The following MYH16 variants were observed in gnomAD, a reference collection of about 807,000 sequenced individuals.
MYH16 encodes putative uncharacterized protein MYH16.
intron 20 of MYH16, 52 bp from the exon 3 acceptor site, chr7:99,277,478 TCCGTCTACC>T: frequency 2.4e-6 from 1 of 418,858 alleles, no homozygotes; most frequent in Non-Finnish European, 4.8e-6. Context: ...TCCACAGCCC[TCCGTCTACC>T]CCCCAGCAAA....
intron 2 of MYH16, among the ~76,000 whole-genome samples, chr7:99,245,662 G>A (rs1408883451): frequency 3.3e-5 from 5 of 152,040 alleles, no homozygotes; most frequent in Non-Finnish European, 7.4e-5. Context: ...TCAGAAGCTG[G>A]GATTACAAAC....
intron 17 of MYH16, among the ~76,000 whole-genome samples, chr7:99,265,957 C>T (rs971235255): frequency 4.6e-5 from 7 of 152,200 alleles, no homozygotes; most frequent in African/African-American, 1.7e-4. Flanking sequence ...GCTGAAAGTC[C>T]TGGGAATTAA....
chr7:99,287,747 C>G (rs115649782), intron 28 of MYH16, 145 bp from the exon 10 acceptor site: 5 of 361,112 alleles, frequency 1.4e-5, no homozygotes, highest in South Asian at 4.1e-5. Context: ...CCCCCACCCC[C>G]CAAAGGCTAA....
chr7:99,255,846 T>C (rs1360957630), intron 9 of MYH16, among the ~76,000 whole-genome samples: 2 of 152,190 alleles, frequency 1.3e-5, no homozygotes, highest in Non-Finnish European at 2.9e-5. Flanking sequence ...CGATCAGCAT[T>C]TTATTCCAAG....
At chr7:99,294,500 CAAAAAAAAAA>C (rs1159682450) in intron 33 of MYH16, among the ~76,000 whole-genome samples, 6 of 25,570 alleles carry the variant, frequency 2.3e-4, no homozygotes, top group East Asian at 3.3e-3. Flanking sequence ...GACCCTGTCT[CAAAAAAAAAA>C]AAAAAAAAAA....
At chr7:99,271,224 G>C (rs532234483) in intron 19 of MYH16, 1 of 152,354 alleles carries the variant, frequency 6.6e-6, no homozygotes, top group African/African-American at 2.4e-5. Flanking sequence ...ACCCTGTGTG[G>C]CTGGCCAGGT....
chr7:99,246,529 C>T (rs941975658), intron 2 of MYH16, among the ~76,000 whole-genome samples: 9 of 152,104 alleles, frequency 5.9e-5, no homozygotes, highest in African/African-American at 9.7e-5. Flanking sequence ...TGGCGAAACC[C>T]CATCTCTACT....
exon 18 of MYH16, chr7:99,266,874 A>T (rs1003177619): frequency 6.6e-6 from 1 of 152,632 alleles, no homozygotes; most frequent in African/African-American, 2.4e-5. Context: ...CTGAACCCCA[A>T]CGTGATTCCC....
At chr7:99,294,944 G>A (rs1255592845) in intron 33 of MYH16, among the ~76,000 whole-genome samples, 4 of 152,168 alleles carry the variant, frequency 2.6e-5, no homozygotes, top group Non-Finnish European at 5.9e-5. Context: ...GGAAGCTAAG[G>A]CATGAGGATC....
At chr7:99,300,036 T>C (rs1230360907) in intron 37 of MYH16, among the ~76,000 whole-genome samples, 1 of 151,906 alleles carries the variant, frequency 6.6e-6, no homozygotes, top group Non-Finnish European at 1.5e-5. Flanking sequence ...CTCGGCTCAC[T>C]GTAACCTCTG....
At chr7:99,260,296 G>A in exon 12 of MYH16, 1 of 1,530,852 alleles carries the variant, frequency 6.5e-7, no homozygotes, top group Admixed American at 1.7e-5. Flanking sequence ...CATCGACTTT[G>A]GCCTCGACCT....
chr7:99,310,529 T>C (rs1322719391), downstream of MYH16, among the ~76,000 whole-genome samples: 1 of 152,090 alleles, frequency 6.6e-6, no homozygotes, highest in Non-Finnish European at 1.5e-5. Context: ...TGCCCAAAGG[T>C]GTCTCTAAAC....
chr7:99,291,617 A>ACCCCCCCCCCCCC (rs34446113), intron 31 of MYH16, among the ~76,000 whole-genome samples, 167 bp downstream of exon 12: 1,148 of 105,838 alleles, frequency 0.011, no homozygotes, highest in Non-Finnish European at 0.013. Flanking sequence ...ACACAGCAAG[A>ACCCCCCCCCCCCC]CCCCCCCCCA....
At chr7:99,240,522 C>A (rs977798779) in intron 1 of MYH16, among the ~76,000 whole-genome samples, 1 of 152,148 alleles carries the variant, frequency 6.6e-6, no homozygotes, top group African/African-American at 2.4e-5. Context: ...TATATTAGCA[C>A]CTGCGAGGTC....
chr7:99,256,418 A>G (rs932655463), intron 9 of MYH16, among the ~76,000 whole-genome samples: 9 of 152,020 alleles, frequency 5.9e-5, no homozygotes, highest in Admixed American at 2.6e-4. Context: ...ACAATCAGCC[A>G]TGATCATGCC....
At chr7:99,282,169 C>G (rs944952342) in intron 23 of MYH16, among the ~76,000 whole-genome samples, 5 of 147,620 alleles carry the variant, frequency 3.4e-5, no homozygotes, top group African/African-American at 1.3e-4. Flanking sequence ...ATTACAGGTG[C>G]CTGCCACCAC....
chr7:99,277,799 A>C (rs1479018910), intron 21 of MYH16, 87 bp downstream of exon 3: 3 of 371,324 alleles, frequency 8.1e-6, no homozygotes, highest in Non-Finnish European at 1.6e-5. Context: ...CCAAAAACCC[A>C]TGTCCCTCCA....
rs113114785 is a variant in MYH16 at position 99,299,926 on chromosome 7, AT to A, written n.4933+272del. Reference sequence around the variant, plus strand: ...TTGGGCCCGTCTAGATTTTTATTTTATTTTATTTATTTATTTATTTATTTAT... The same window carrying A: ...TTGGGCCCGTCTAGATTTTTATTTTATTTATTTATTTATTTATTTATTTAT... On this transcript the variant is annotated intron_variant and non_coding_transcript_variant, in intron 37 of 41. Transcript: ENST00000439784. Among the ~76,000 whole-genome samples the A allele has an allele frequency of 6.4e-5, 8 of 125,060 alleles. No individual in the cohort carries two copies. The East Asian group carries it at 6.7e-4, about 11-fold the overall frequency. 82.0% of individuals were successfully genotyped at this position (125,060 alleles called of 152,430 possible).
intron 11 of MYH16, among the ~76,000 whole-genome samples, chr7:99,259,826 A>C (rs1296482566): frequency 7.7e-6 from 1 of 129,044 alleles, no homozygotes; most frequent in Non-Finnish European, 1.6e-5. Flanking sequence ...ATGTGTATAT[A>C]TTATATATAT....
Sources: allele counts gnomAD v4.1 joint callset (sites outside exome capture counted in the v4.1 genomes callset), GRCh38; gene constraint gnomAD v4.1.1; transcripts MANE v1.5; gene names NCBI Gene and HGNC (gene_info 2026-07-23, HGNC 2026-07-21).